The following DYDC2 variants were observed in gnomAD, a reference collection of about 807,000 sequenced individuals.
DYDC2 encodes DPY30 domain containing 2.
Under a neutral mutation model 18.7 loss-of-function variants are expected in DYDC2, and 19 were observed. That is an observed-to-expected ratio of 1.02 (90% CI 0.71 to 1.49). The LOEUF is 1.49. DYDC2 is among the 40% of genes most tolerant of loss of function. The pLI is 0.00. For synonymous variants in DYDC2, 63 were observed against 67.6 expected (o/e 0.93, Z 0.34); for missense variants, 179 against 205.1 (o/e 0.87, Z 0.78).
At chr10:80,347,271 GGATCCTTT>G (rs1842708678) in intron 1 of DYDC2, among the ~76,000 whole-genome samples, 1 of 89,266 alleles carries the variant, frequency 1.1e-5, no homozygotes, top group African/African-American at 4.8e-5. Context: ...TTTTTAATTG[GGATCCTTT>G]TTTTTTTTTT....
At chr10:80,353,833 A>AG (rs1196255318), upstream of DYDC2, among the ~76,000 whole-genome samples, 1 of 152,128 alleles carries the variant, frequency 6.6e-6, no homozygotes, top group Non-Finnish European at 1.5e-5. Flanking sequence ...GAAATCAATA[A>AG]TGATAATATC....
Position 80,362,971 on chromosome 10 carries a change from C to T in DYDC2, c.168C>T (p.His56=), listed in dbSNP as rs1416364743. The change falls in exon 4 of 5, where the codon CAC becomes CAT. Residue 56 remains histidine (H), a synonymous_variant. Coordinates refer to ENST00000256039, the MANE Select transcript of DYDC2 (RefSeq NM_032372.6). ...AKEENREKKI[H]LQEEYDSSLK... The stretch of plus-strand genomic sequence containing the variant: ...CCCAGAATAGGGAAAAGAAGATCCA[C>T]CTGCAGGAGGAATATGACAGTAGCC... 7.4e-6 allele frequency: 12 copies of T among 1,613,534 alleles called. No individual in the cohort carries two copies. The highest frequency in any genetic ancestry group is 2.7e-5 in the African/African-American group (2 of 74,862).
chr10:80,345,790 T>G (rs1842581393), intron 1 of DYDC2, among the ~76,000 whole-genome samples: 1 of 152,206 alleles, frequency 6.6e-6, no homozygotes, highest in African/African-American at 2.4e-5. Flanking sequence ...CTGAATAATA[T>G]TCTTTTATAT....
intron 1 of DYDC2, among the ~76,000 whole-genome samples, chr10:80,357,649 G>A (rs756175620): frequency 2.0e-5 from 3 of 152,138 alleles, no homozygotes; most frequent in Non-Finnish European, 4.4e-5. Context: ...CCCCACCACC[G>A]GGAAGCCGTC....
intron 1 of DYDC2, among the ~76,000 whole-genome samples, chr10:80,357,470 C>A (rs1843453715): frequency 1.3e-5 from 2 of 152,056 alleles, no homozygotes. Context: ...AGGTGGCGGG[C>A]TTTGAGGAGG....
At chr10:80,362,002 A>T (rs993834052) in intron 2 of DYDC2, among the ~76,000 whole-genome samples, 3 of 152,228 alleles carry the variant, frequency 2.0e-5, no homozygotes, top group African/African-American at 7.2e-5. Context: ...CTTGCAGTGG[A>T]GAGAGCTAGG....
At chr10:80,357,395 G>C (rs1843450536) in intron 1 of DYDC2, among the ~76,000 whole-genome samples, 1 of 152,062 alleles carries the variant, frequency 6.6e-6, no homozygotes, top group Admixed American at 6.5e-5. Flanking sequence ...ACCTGGAGGA[G>C]TAGGGGCACA....
chr10:80,352,697 TA>T (rs1318093543), upstream of DYDC2: 1 of 1,425,658 alleles, frequency 7.0e-7, no homozygotes, highest in African/African-American at 1.5e-5. Flanking sequence ...AACAAAGCCT[TA>T]CATACACCCT....
intron 2 of DYDC2, among the ~76,000 whole-genome samples, chr10:80,358,797 T>A (rs868725263): frequency 6.6e-6 from 1 of 152,332 alleles, no homozygotes; most frequent in Middle Eastern, 3.4e-3. Flanking sequence ...AGTTCTAGAA[T>A]GAAGCCGTGG....
At chr10:80,366,199 AT>A (rs1249317037) in intron 4 of DYDC2, among the ~76,000 whole-genome samples, 3 of 151,524 alleles carry the variant, frequency 2.0e-5, no homozygotes, top group Non-Finnish European at 2.9e-5. Flanking sequence ...CACCCAGCTA[AT>A]TTTTTTATTT....
intron 1 of DYDC2, among the ~76,000 whole-genome samples, chr10:80,349,534 T>C (rs1176323716): frequency 6.6e-6 from 1 of 152,172 alleles, no homozygotes; most frequent in Admixed American, 6.5e-5. Flanking sequence ...GATATTTTAT[T>C]TGCAAAAGCT....
At chr10:80,352,693 G>A, upstream of DYDC2, 1 of 1,441,824 alleles carries the variant, frequency 6.9e-7, no homozygotes, top group Non-Finnish European at 9.1e-7. Flanking sequence ...GGTGAACAAA[G>A]CCTTACATAC....
chr10:80,349,816 CAAAT>C (rs773811720), intron 1 of DYDC2, among the ~76,000 whole-genome samples: 6 of 152,086 alleles, frequency 3.9e-5, no homozygotes, highest in Non-Finnish European at 7.4e-5. Flanking sequence ...CCATTCAAAA[CAAAT>C]AAACAAAAAA....
Position 80,362,523 on chromosome 10 carries a change from G to C in DYDC2, c.80G>C (p.Ser27Thr). ...GCAGAGGTGGCGAAGGTTCGGCCCA[G>C]TGACCCAATAGAATACCTGGCTCAC... ...ALAEVAKVRP[S>T]DPIEYLAHWL... is the part of the protein sequence containing the mutation. The change falls in exon 3 of 5, where the codon AGT becomes ACT. Residue 27 changes from serine (S) to threonine (T), a missense_variant. Coordinates refer to ENST00000256039, the MANE Select transcript of DYDC2 (RefSeq NM_032372.6). 1.2e-6 allele frequency: 2 copies of C among 1,614,144 alleles called. No homozygotes were observed. Among genetic ancestry groups the C allele is most frequent in the Non-Finnish European group, 1.7e-6 (2 of 1,180,006 alleles).
intron 2 of DYDC2, among the ~76,000 whole-genome samples, chr10:80,360,818 G>A (rs1843645205): frequency 6.7e-6 from 1 of 149,552 alleles, no homozygotes; most frequent in African/African-American, 2.5e-5. Context: ...GGAGTGCAGT[G>A]GTGAGATCTC....
rs1412038645 is a variant in DYDC2 at position 80,367,344 on chromosome 10, A to C, written c.*393A>C. On this transcript the variant is annotated 3_prime_UTR_variant, in exon 5 of 5. Transcript: ENST00000256039. The stretch of plus-strand genomic sequence containing the variant: ...GACCAGGGGGCCAATGCTAGTATGG[A>C]GGCTGTGAAGTCCCCAAGCTCTGGA... The C allele has an allele frequency of 1.2e-5, 2 of 164,420 alleles. No homozygotes were observed. The highest frequency in any genetic ancestry group is 2.6e-5 in the Non-Finnish European group (2 of 76,278). 10.2% of individuals were successfully genotyped at this position (164,420 alleles called of 1,614,324 possible).
At chr10:80,365,505 A>G (rs142017403) in intron 4 of DYDC2, among the ~76,000 whole-genome samples, 1 of 152,288 alleles carries the variant, frequency 6.6e-6, no homozygotes, top group African/African-American at 2.4e-5. Flanking sequence ...TATTTGCTGC[A>G]TAGACTCAAT....
In DYDC2 at chr10:80,357,056, G is replaced by A. The variant is rs564342262; in HGVS notation, c.-163+231G>A. Among the ~76,000 whole-genome samples, 17 of 142,898 alleles carry A rather than the reference G, an allele frequency of 1.2e-4. No individual in the cohort carries two copies. In the East Asian group the frequency reaches 3.6e-3, roughly 30 times the overall value. 93.7% of individuals were successfully genotyped at this position (142,898 alleles called of 152,430 possible). A position where few individuals can be genotyped will look rare whatever the true frequency, so the allele number is the denominator to read the frequency against. Reference sequence around the variant, plus strand: ...GCCCGGCAGAGAGAAGGGGTCGTGCGGAAGGGGGCGCGCGCCAGGGGAGGG... The same window carrying A: ...GCCCGGCAGAGAGAAGGGGTCGTGCAGAAGGGGGCGCGCGCCAGGGGAGGG... On this transcript the variant is annotated intron_variant, in intron 1 of 4. Coordinates refer to ENST00000256039, the MANE Select transcript of DYDC2 (RefSeq NM_032372.6).
intron 2 of DYDC2, among the ~76,000 whole-genome samples, chr10:80,358,969 C>A (rs1006726487): frequency 2.0e-5 from 3 of 152,226 alleles, no homozygotes; most frequent in East Asian, 1.9e-4. Context: ...CTCATAAAGG[C>A]AGTGCAGACC....
Sources: gnomAD v4.1 joint callset for allele counts (sites outside exome capture counted in the v4.1 genomes callset) on GRCh38, gnomAD v4.1.1 for gene constraint, MANE v1.5 for transcripts, NCBI Gene and HGNC (gene_info 2026-07-23, HGNC 2026-07-21) for gene names.